Variants in PDE10A observed in about 807,000 individuals in gnomAD.
The protein encoded by PDE10A is cAMP and cAMP-inhibited cGMP 3',5'-cyclic phosphodiesterase 10A.
A neutral mutation model predicts 97.7 loss-of-function variants in PDE10A; 39 were observed. The ratio of observed to expected loss-of-function variants is 0.40; its 90% CI spans 0.31 to 0.52. The LOEUF is 0.52. Among genes scored for constraint, PDE10A ranks in the 20% least tolerant of loss-of-function variants. PDE10A has a pLI of 0.56. For missense variants in PDE10A, 731 were observed against 1,047.8 expected, an observed-to-expected ratio of 0.70 and a Z score of 4.17; for synonymous variants, 371 against 376.8, an observed-to-expected ratio of 0.98 and a Z score of 0.18.
At chr6:165,715,710 A>G (rs1792010234) in intron 1 of PDE10A, among the ~76,000 whole-genome samples, 1 of 152,200 alleles carries the variant, frequency 6.6e-6, no homozygotes, top group Admixed American at 6.5e-5. Context: ...TGTCCAGGAA[A>G]GAAGACAGCA....
chr6:165,777,079 C>A (rs1778207519), intron 1 of PDE10A, among the ~76,000 whole-genome samples: 1 of 152,174 alleles, frequency 6.6e-6, no homozygotes, highest in East Asian at 1.9e-4. Flanking sequence ...ATCTTCAAAG[C>A]CAGTATTAAT....
At chr6:165,730,975 G>A (rs1174996092) in intron 1 of PDE10A, among the ~76,000 whole-genome samples, 1 of 152,138 alleles carries the variant, frequency 6.6e-6, no homozygotes, top group Non-Finnish European at 1.5e-5. Context: ...GAACCAGGGA[G>A]GCGGAGGTTG....
chr6:165,630,960 T>G (rs1284736382), intron 1 of PDE10A, among the ~76,000 whole-genome samples: 1 of 152,216 alleles, frequency 6.6e-6, no homozygotes, highest in Non-Finnish European at 1.5e-5. Flanking sequence ...CTGGCTTTCC[T>G]GCAAATCAGC....
intron 2 of PDE10A, among the ~76,000 whole-genome samples, chr6:165,499,651 CTT>C (rs776695195): frequency 1.1e-4 from 17 of 152,136 alleles, no homozygotes; most frequent in Non-Finnish European, 5.9e-5. Context: ...AGTGACAAAA[CTT>C]TATACTTTTA....
At chr6:165,921,076 G>A (rs970593544) in intron 1 of PDE10A, among the ~76,000 whole-genome samples, 3 of 152,186 alleles carry the variant, frequency 2.0e-5, no homozygotes, top group African/African-American at 7.2e-5. Context: ...GGATGGAAGG[G>A]CTGAATGACC....
upstream of PDE10A, among the ~76,000 whole-genome samples, chr6:165,663,279 C>T (rs1368459089): frequency 2.0e-5 from 3 of 151,926 alleles, no homozygotes; most frequent in African/African-American, 7.2e-5. Context: ...GCCGCCGCCG[C>T]CGCCTTCCGC....
chr6:165,806,047 A>T (rs1351673172), intron 1 of PDE10A, among the ~76,000 whole-genome samples: 1 of 136,744 alleles, frequency 7.3e-6, no homozygotes, highest in Non-Finnish European at 1.6e-5. Context: ...ATTATTAAAA[A>T]AAAAAAAAAA....
chr6:165,765,638 T>C (rs975013737), intron 1 of PDE10A, among the ~76,000 whole-genome samples: 1 of 151,706 alleles, frequency 6.6e-6, no homozygotes, highest in Non-Finnish European at 1.5e-5. Flanking sequence ...AAGCGCCACA[T>C]GCAGCCCCGG....
At chr6:165,354,587 A>T (rs1031841607) in intron 18 of PDE10A, among the ~76,000 whole-genome samples, 4 of 152,222 alleles carry the variant, frequency 2.6e-5, no homozygotes, top group African/African-American at 9.7e-5. Flanking sequence ...TTATTTCTAC[A>T]ACTGAGGTAA....
intron 1 of PDE10A, among the ~76,000 whole-genome samples, chr6:165,913,402 T>A (rs1476389254): frequency 6.6e-6 from 1 of 152,228 alleles, no homozygotes; most frequent in Non-Finnish European, 1.5e-5. Flanking sequence ...AATGGTGTAG[T>A]GTTTGCATAT....
At chr6:165,848,723 G>A (rs1375314528) in intron 1 of PDE10A, among the ~76,000 whole-genome samples, 1 of 152,172 alleles carries the variant, frequency 6.6e-6, no homozygotes, top group Non-Finnish European at 1.5e-5. Flanking sequence ...CCAGAACCAT[G>A]AAGATGTCAC....
At position 165,913,527 on chromosome 6, in the gene PDE10A, T is replaced by A. The variant is rs569448519; in HGVS notation, c.-615+74002A>T. On this transcript the variant is annotated intron_variant, in intron 1 of 19. Coordinates refer to the PDE10A transcript ENST00000366882. The stretch of plus-strand genomic sequence containing the variant: ...ACACTAGATCTTAATTTTTAAATTA[T>A]TTTTATTGTTGTATTGTTGTTATTA... 9.8e-5 allele frequency among the ~76,000 whole-genome samples: 15 copies of A among 152,332 alleles called. No individual in the cohort carries two copies. The East Asian group carries it at 2.9e-3, about 29-fold the overall frequency.
At chr6:165,629,521 CTTT>C (rs35760840) in intron 1 of PDE10A, among the ~76,000 whole-genome samples, 12,357 of 131,556 alleles carry the variant, frequency 0.094, 897 homozygotes, top group African/African-American at 0.21. Context: ...TATTAACAAC[CTTT>C]TTTTTTTTTT....
intron 1 of PDE10A, among the ~76,000 whole-genome samples, chr6:165,984,581 C>G (rs1013630112): frequency 1.3e-5 from 2 of 152,162 alleles, no homozygotes; most frequent in Non-Finnish European, 2.9e-5. Context: ...CCAAATGCTG[C>G]GTATGGAGCT....
chr6:165,735,431 T>A (rs1433952834), intron 1 of PDE10A, among the ~76,000 whole-genome samples: 1 of 151,818 alleles, frequency 6.6e-6, no homozygotes, highest in South Asian at 2.1e-4. Flanking sequence ...GGTAGGTAGG[T>A]TGGTAGATAT....
intron 3 of PDE10A, among the ~76,000 whole-genome samples, chr6:165,472,460 T>G (rs1779069980): frequency 6.6e-6 from 1 of 152,148 alleles, no homozygotes; most frequent in African/African-American, 2.4e-5. Context: ...ATTTTAAATT[T>G]TGCTCCATTA....
upstream of PDE10A, among the ~76,000 whole-genome samples, chr6:165,666,931 T>G (rs1790512932): frequency 6.6e-6 from 1 of 152,228 alleles, no homozygotes; most frequent in Non-Finnish European, 1.5e-5. Context: ...CAATAGGCAC[T>G]CAATAATTGC....
chr6:165,556,862 G>A (rs1201714849), intron 1 of PDE10A, among the ~76,000 whole-genome samples: 4 of 152,080 alleles, frequency 2.6e-5, no homozygotes, highest in Non-Finnish European at 5.9e-5. Context: ...ATTCTGAGCC[G>A]GGTGCAGTGG....
At chr6:165,521,846 G>C (rs1008614601) in intron 2 of PDE10A, among the ~76,000 whole-genome samples, 2 of 152,170 alleles carry the variant, frequency 1.3e-5, no homozygotes, top group Non-Finnish European at 2.9e-5. Context: ...ATCTAGCAAA[G>C]ATGATTCACG....
Sources: gnomAD v4.1 joint callset for allele counts (sites outside exome capture counted in the v4.1 genomes callset) on GRCh38, gnomAD v4.1.1 for gene constraint, MANE v1.5 for transcripts, NCBI Gene and HGNC (gene_info 2026-07-23, HGNC 2026-07-21) for gene names.